ABCA3: variants seen among roughly 807,000 people sequenced by gnomAD.
The protein encoded by ABCA3 is phospholipid-transporting ATPase ABCA3.
ABCA3 carries 88 observed loss-of-function variants against 172.8 expected under a neutral mutation model. The observed-to-expected ratio is 0.51, with a 90% confidence interval of 0.43 to 0.61. The LOEUF (loss-of-function observed/expected upper bound fraction) is 0.61. Ranked by LOEUF, ABCA3 falls within the 20% of genes least tolerant of loss-of-function variation. The pLI is 0.00. For synonymous variants in ABCA3, 1,066 were observed against 983.8 expected, an observed-to-expected ratio of 1.08 and a Z score of -1.56; for missense variants, 2,164 against 2,301.0, an observed-to-expected ratio of 0.94 and a Z score of 1.22.
In ABCA3 at chr16:2,287,487, A is replaced by G. The variant is rs2093664876; in HGVS notation, c.3005-520T>C. Among the ~76,000 whole-genome samples the G allele has an allele frequency of 1.3e-5, 2 of 152,148 alleles. No homozygotes were observed. The highest frequency in any genetic ancestry group is 4.1e-4 in the South Asian group (2 of 4,832). ...GAGACAGAGTTTTGCCATGTTGACC[A>G]GGCTGGTCTCGAACTCCTGACCTCA... On this transcript the variant is annotated intron_variant, in intron 21 of 32. Transcript: ENST00000301732. This position sits in a 1 kb window ranked among gnomAD's most constrained non-coding sequence, Gnocchi z 4.1.
At chr16:2,292,056 A>T in intron 19 of ABCA3, 84 bp downstream of exon 19, 1 of 1,071,634 alleles carries the variant, frequency 9.3e-7, no homozygotes, top group Non-Finnish European at 1.4e-6. Flanking sequence ...CTGGGCAACT[A>T]GAGTGAAACT....
At chr16:2,336,596 A>C (rs1001248301) in intron 1 of ABCA3, among the ~76,000 whole-genome samples, 1 of 124,620 alleles carries the variant, frequency 8.0e-6, no homozygotes, top group East Asian at 2.2e-4. Context: ...ACGCCCAGCT[A>C]ATTTTTTTTT....
intron 10 of ABCA3, among the ~76,000 whole-genome samples, chr16:2,316,349 G>GAAAAAAAAAAAAA (rs1172715707): frequency 1.1e-5 from 1 of 90,242 alleles, no homozygotes; most frequent in Non-Finnish European, 2.3e-5. Flanking sequence ...AAAAAGAAAA[G>GAAAAAAAAAAAAA]AAAAAAAAAA....
rs375181966 is a variant in ABCA3, at chr16:2,277,896, A to G, written c.4892T>C (p.Val1631Ala). 2 of 1,609,596 alleles carry G rather than the reference A, an allele frequency of 1.2e-6. No individual in the cohort carries two copies. Among genetic ancestry groups the G allele is most frequent in the African/African-American group, 2.7e-5 (2 of 74,860 alleles). Residue 1631 changes from valine (V) to alanine (A), a missense_variant, in exon 31 of 33, where the codon GTG (valine) becomes GCG (alanine). Coordinates refer to ENST00000301732, the MANE Select transcript of ABCA3 (RefSeq NM_001089.3). The surrounding 1 kb of genome is among the most constrained non-coding windows in gnomAD (Gnocchi z 5.3). The stretch of plus-strand genomic sequence containing the variant: ...GCACACACCTGGAAAGGTCAGGTCC[A>G]CGAAGGCCTTGAACTCCTCCAGCGC... ...QEALEEFKAFVDLTFPGSVLE... is the reference protein window; with the variant it reads ...QEALEEFKAFADLTFPGSVLE...
At chr16:2,311,723 T>C (rs963958228) in intron 10 of ABCA3, among the ~76,000 whole-genome samples, 9 of 152,190 alleles carry the variant, frequency 5.9e-5, no homozygotes, top group African/African-American at 1.9e-4. Flanking sequence ...GGTTTCACCA[T>C]CTTGGCCAGG....
chr16:2,277,626 G>C lies in ABCA3; in HGVS notation c.4954C>G (p.Leu1652Val), dbSNP rs765917929. Reference sequence around the variant, plus strand: ...GCCCAGCTGAGGTCACGGCCCGGCAGGTGGTAATGGACCATGCCTTGGTGC... The same window carrying C: ...GCCCAGCTGAGGTCACGGCCCGGCACGTGGTAATGGACCATGCCTTGGTGC... ...DEHQGMVHYH[L>V]PGRDLSWAKV... is the part of the protein sequence containing the mutation. The change falls in exon 32 of 33, where the codon CTG (leucine) becomes GTG (valine). Residue 1652 changes from leucine (L) to valine (V), a missense_variant. By Grantham distance (32) the Leu-to-Val change is conservative. Transcript: ENST00000301732. This position sits in a 1 kb window ranked among gnomAD's most constrained non-coding sequence, Gnocchi z 5.3. The C allele has an allele frequency of 2.5e-6, 4 of 1,613,194 alleles. No homozygotes were observed. Among genetic ancestry groups the C allele is most frequent in the Non-Finnish European group, 3.4e-6 (4 of 1,180,022 alleles).
In ABCA3 at chr16:2,281,865, C is replaced by T. The variant is rs909501777; in HGVS notation, c.4036-356G>A. Among the ~76,000 whole-genome samples the T allele has an allele frequency of 2.7e-5, 4 of 150,220 alleles. No individual in the cohort carries two copies. Among genetic ancestry groups the T allele is most frequent in the Non-Finnish European group, 4.4e-5 (3 of 67,778 alleles). The stretch of plus-strand genomic sequence containing the variant: ...TGTTGTCCAGGCTGGAGTGCAGTGG[C>T]GCAATCTCAGCTCACTGCAAACTCT... On this transcript the variant is annotated intron_variant, in intron 26 of 32. Transcript: ENST00000301732. This position sits in a 1 kb window ranked among gnomAD's most constrained non-coding sequence, Gnocchi z 4.7.
In ABCA3 at chr16:2,286,854, C is replaced by T. The variant is rs1015881697; in HGVS notation, c.3118G>A (p.Ala1040Thr). 4 of 1,614,086 alleles carry T rather than the reference C, an allele frequency of 2.5e-6. No homozygotes were observed. The highest frequency in any genetic ancestry group is 1.1e-5 in the South Asian group (1 of 91,078). Reference protein sequence around the residue: ...RDVGERTVVNALFNNQAYHSP... With the variant: ...RDVGERTVVNTLFNNQAYHSP... ...TGGTACGCCTGGTTGTTGAACAAGGCGTTGACGACCGTGCGCTCTCCCACA... is the reference window on the plus strand; with the variant it reads ...TGGTACGCCTGGTTGTTGAACAAGGTGTTGACGACCGTGCGCTCTCCCACA... The change falls in exon 22 of 33, where the codon GCC becomes ACC. Residue 1040 changes from alanine (A) to threonine (T), a missense_variant. Coordinates refer to ENST00000301732, the MANE Select transcript of ABCA3 (RefSeq NM_001089.3). The surrounding 1 kb of genome is among the most constrained non-coding windows in gnomAD (Gnocchi z 5.2).
In ABCA3 at chr16:2,317,574, C is replaced by T. The variant is rs1400164298; in HGVS notation, c.990+74G>A. The T allele has an allele frequency of 3.8e-6, 6 of 1,594,500 alleles. No individual in the cohort carries two copies. The East Asian group carries it at 1.3e-4, about 36-fold the overall frequency. ...CTCTGAAGTCTCTGACCACAAAGTT[C>T]TTCCCAAGAGGGCCCTCCTGGGGTG... On this transcript the variant is annotated intron_variant, in intron 9 of 32. Transcript: ENST00000301732.
At chr16:2,316,675 GA>G (rs894366029) in intron 10 of ABCA3, among the ~76,000 whole-genome samples, 29 of 144,498 alleles carry the variant, frequency 2.0e-4, no homozygotes, top group East Asian at 1.0e-3. Context: ...AAGACTGCTC[GA>G]AAAAAAAAAC....
intron 10 of ABCA3, among the ~76,000 whole-genome samples, chr16:2,311,894 C>A (rs890847322): frequency 6.6e-6 from 1 of 151,940 alleles, no homozygotes; most frequent in Non-Finnish European, 1.5e-5. Flanking sequence ...TGAGTTCAGG[C>A]AATCCGCCCG....
chr16:2,289,507 C>A lies in ABCA3; in HGVS notation c.2627G>T (p.Gly876Val). 6.3e-7 allele frequency: 1 copy of A among 1,590,534 alleles called. No individual in the cohort carries two copies. The change falls in exon 20 of 33, where the codon GGG (glycine) becomes GTG (valine). Residue 876 changes from glycine to valine, a missense_variant. Coordinates refer to ENST00000301732, the MANE Select transcript of ABCA3 (RefSeq NM_001089.3). Reference protein sequence around the residue: ...SDWAVDSNLCGAMDPSDGIGA... With the variant: ...SDWAVDSNLCVAMDPSDGIGA... ...AATGCCGTCGGAGGGGTCCATGGCC[C>A]CACAGAGGTTGCTGTCCACAGCCCA...
rs1381017834 is a variant in ABCA3 at position 2,326,416 on chromosome 16, C to T, written c.51G>A (p.Leu17=). Residue 17 remains leucine, a synonymous_variant, in exon 4 of 33, where the codon CTG becomes CTA. Transcript: ENST00000301732. ...TCCCTCCAGAGTCTGGACGCACCTG[C>T]AGGGTGTAGTTCTTCCAGAGGAGGA... is the stretch of plus-strand genomic sequence containing the variant. ...LALLLWKNYT[L]QKRKVLVTVL... The T allele has an allele frequency of 6.2e-7, 1 of 1,612,956 alleles. No homozygotes were observed. Among genetic ancestry groups the T allele is most frequent in the Non-Finnish European group, 8.5e-7 (1 of 1,179,628 alleles).
chr16:2,279,219 C>A lies in ABCA3; in HGVS notation c.4360-89G>T. ...CCACGGGGACTACCCTTGAGGTGCC[C>A]ACCACTGCGCCTGTCTGTGGTTCCT... On this transcript the variant is annotated intron_variant, in intron 28 of 32. Coordinates refer to ENST00000301732, the MANE Select transcript of ABCA3 (RefSeq NM_001089.3). The surrounding 1 kb of genome is among the most constrained non-coding windows in gnomAD (Gnocchi z 4.4). The A allele has an allele frequency of 1.4e-6, 2 of 1,454,362 alleles. No homozygotes were observed. The highest frequency in any genetic ancestry group is 1.9e-6 in the Non-Finnish European group (2 of 1,063,872). The allele number at this position is 1,454,362 out of a possible 1,614,324, so 90.1% of individuals were successfully genotyped here.
rs974760127 is a variant in ABCA3, at chr16:2,278,786, G to A, written c.4547+157C>T. On this transcript the variant is annotated intron_variant, in intron 29 of 32. Coordinates refer to ENST00000301732, the MANE Select transcript of ABCA3 (RefSeq NM_001089.3). The surrounding 1 kb of genome is among the most constrained non-coding windows in gnomAD (Gnocchi z 4.4). Reference sequence around the variant, plus strand: ...ACTGTCAGGGCAGTCCCTTTCCTACGTGGAGCTACCTGGGTCACACCACCA... The same window carrying A: ...ACTGTCAGGGCAGTCCCTTTCCTACATGGAGCTACCTGGGTCACACCACCA... Among the ~76,000 whole-genome samples, 8 of 152,154 alleles carry A rather than the reference G, an allele frequency of 5.3e-5. No homozygotes were observed. The highest frequency in any genetic ancestry group is 1.0e-4 in the Non-Finnish European group (7 of 68,024).
At chr16:2,293,226 T>C (rs1353407319) in intron 18 of ABCA3, among the ~76,000 whole-genome samples, 1 of 151,620 alleles carries the variant, frequency 6.6e-6, no homozygotes, top group Non-Finnish European at 1.5e-5. Context: ...TAATTTTTTG[T>C]ATTTTTAGTA....
Position 2,281,451 on chromosome 16 carries a change from C to T in ABCA3, c.4094G>A (p.Arg1365Lys), listed in dbSNP as rs777727286. The change falls in exon 27 of 33, where the codon AGG (arginine) becomes AAG (lysine). Residue 1365 changes from arginine to lysine, a missense_variant. Physicochemically the swap from Arg to Lys is conservative, Grantham distance 26 (BLOSUM62 2). Around this residue, in one of 3 missense-constraint regions of ABCA3, gnomAD observed 795 missense variants for 881.9 expected, o/e 0.90. Coordinates refer to ENST00000301732, the MANE Select transcript of ABCA3 (RefSeq NM_001089.3). The surrounding 1 kb of genome is among the most constrained non-coding windows in gnomAD (Gnocchi z 4.7). ...CGGACTGGGGGCCAGGATGCGGGTC[C>T]TCTCGTCCGCTACATCTTGGTCCTC... ...LPEDQDVADERTRILAPSPDS... is the reference protein window; with the variant it reads ...LPEDQDVADEKTRILAPSPDS... 4 of 1,613,694 alleles carry T rather than the reference C, an allele frequency of 2.5e-6. No individual in the cohort carries two copies. The South Asian group carries it at 3.3e-5, about 13-fold the overall frequency.
Position 2,288,057 on chromosome 16 carries a change from C to G in ABCA3, c.2973G>C (p.Gln991His), listed in dbSNP as rs775337404. Residue 991 changes from glutamine to histidine, a missense_variant, in exon 21 of 33, where the codon CAG becomes CAC. Physicochemically the swap from Gln to His is conservative, Grantham distance 24 (BLOSUM62 0). Transcript: ENST00000301732. Reference protein sequence around the residue: ...QLSEHLKDALQAEGQEPREVL... With the variant: ...QLSEHLKDALHAEGQEPREVL... ...CCTCGCGGGGCTCCTGTCCCTCAGC[C>G]TGCAGTGCGTCTTTCAGATGCTCTG... is the stretch of plus-strand genomic sequence containing the variant. 14 of 1,611,680 alleles carry G rather than the reference C, an allele frequency of 8.7e-6. No homozygotes were observed. The Admixed American group carries it at 1.3e-4, about 15-fold the overall frequency.
In ABCA3 at chr16:2,279,931, G is replaced by A. The variant is rs920544390; in HGVS notation, c.4360-801C>T. Among the ~76,000 whole-genome samples, 1 of 152,056 alleles carries A rather than the reference G, an allele frequency of 6.6e-6. No individual in the cohort carries two copies. The highest frequency in any genetic ancestry group is 1.5e-5 in the Non-Finnish European group (1 of 68,000). ...CCTGCTAATTTTTGTATTTTTCTTT[G>A]GTAGAGACAGCATTTTGCCATGTTG... On this transcript the variant is annotated intron_variant, in intron 28 of 32. Transcript: ENST00000301732. This position sits in a 1 kb window ranked among gnomAD's most constrained non-coding sequence, Gnocchi z 4.4.
Sources: allele counts gnomAD v4.1 joint callset (sites outside exome capture counted in the v4.1 genomes callset), GRCh38; gene constraint gnomAD v4.1.1; regional missense constraint gnomAD v4.1.1; non-coding constraint Gnocchi (gnomAD v3.1); transcripts MANE v1.5; gene names NCBI Gene and HGNC (gene_info 2026-07-23, HGNC 2026-07-21).